DSTYK: variants seen among roughly 807,000 people sequenced by gnomAD.
DSTYK encodes the protein RIP-homologous kinase.
In DSTYK, 34 loss-of-function variants were observed where a neutral mutation model predicts 98.7. That is an observed-to-expected ratio of 0.34 (90% confidence interval 0.26 to 0.46). The LOEUF (loss-of-function observed/expected upper bound fraction) is 0.46. Among genes scored for constraint, DSTYK ranks in the 20% least tolerant of loss-of-function variants. The probability of loss-of-function intolerance (pLI) is 1.00; values close to 1 mark genes in which losing one functional copy is unlikely to be tolerated. For synonymous variants in DSTYK, 462 were observed against 457.3 expected, an observed-to-expected ratio of 1.01 and a Z score of -0.13; for missense variants, 962 against 1,181.7, an observed-to-expected ratio of 0.81 and a Z score of 2.73.
At chr1:205,147,837 G>C in intron 12 of DSTYK, 92 bp from the exon 13 acceptor site, 1 of 1,308,722 alleles carries the variant, frequency 7.6e-7, no homozygotes, top group East Asian at 2.3e-5. Flanking sequence ...TTCCCAGTGG[G>C]GCTCAGAATA....
At chr1:205,187,277 A>T in intron 2 of DSTYK, 141 bp downstream of exon 2, 1 of 989,662 alleles carries the variant, frequency 1.0e-6, no homozygotes, top group Non-Finnish European at 1.4e-6. Flanking sequence ...TCAACTTCCC[A>T]GATTATGTTC....
chr1:205,211,205 C>T, intron 1 of DSTYK, 66 bp downstream of exon 1: 1 of 1,514,720 alleles, frequency 6.6e-7, no homozygotes, highest in African/African-American at 1.4e-5. Context: ...TTTTGCAGGG[C>T]AGGGGTGCGG....
intron 3 of DSTYK, 73 bp from the exon 4 acceptor site, chr1:205,164,028 C>A: frequency 7.9e-7 from 1 of 1,262,566 alleles, no homozygotes; most frequent in Non-Finnish European, 1.1e-6. Flanking sequence ...AGTCATCTCC[C>A]AAATCAGAAC....
chr1:205,169,261 G>T lies in DSTYK; in HGVS notation c.1226C>A (p.Ala409Asp). Residue 409 changes from alanine to aspartate, a missense_variant, in exon 3 of 13, where the codon GCC (alanine) becomes GAC (aspartate). Ala to Asp is a moderately radical substitution (Grantham distance 126, BLOSUM62 -2). This residue lies in a region of DSTYK where 660 missense variants were observed against 855.0 expected (regional missense o/e 0.77). Transcript: ENST00000367162. This position sits in a 1 kb window ranked among gnomAD's most constrained non-coding sequence, Gnocchi z 4.0. ...CTTCATTTCCTCCTGCTTTCGGTTG[G>T]CAATATTCATCAATGATTCATACAA... ...NELYESLMNI[A>D]NRKQEEMKDM... is the part of the protein sequence containing the mutation. 1 of 1,613,950 alleles carries T rather than the reference G, an allele frequency of 6.2e-7. No homozygotes were observed. Among genetic ancestry groups the T allele is most frequent in the Non-Finnish European group, 8.5e-7 (1 of 1,179,968 alleles).
intron 4 of DSTYK, among the ~76,000 whole-genome samples, chr1:205,163,464 C>T (rs1008123391): frequency 1.2e-4 from 18 of 152,202 alleles, no homozygotes; most frequent in Non-Finnish European, 2.4e-4. Flanking sequence ...GGTTATCCGC[C>T]CACCTCAGCC....
At position 205,153,941 on chromosome 1, in the gene DSTYK, T is replaced by A. The variant is rs186524357; in HGVS notation, c.2353-3147A>T. Among the ~76,000 whole-genome samples the A allele has an allele frequency of 3.3e-5, 5 of 150,492 alleles. No individual in the cohort carries two copies. In the East Asian group the frequency reaches 9.8e-4, roughly 30 times the overall value. On this transcript the variant is annotated intron_variant, in intron 10 of 12. Transcript: ENST00000367162. ...GTTGGCCAGGCTGGTCTCGAACTCC[T>A]GACCTCAGGTGATTCACCCACCTTG...
chr1:205,176,972 A>G (rs1263479759), intron 2 of DSTYK, among the ~76,000 whole-genome samples: 1 of 152,084 alleles, frequency 6.6e-6, no homozygotes, highest in Non-Finnish European at 1.5e-5. Flanking sequence ...TGGAAGGCTG[A>G]GGCTGGAAGA....
intron 3 of DSTYK, among the ~76,000 whole-genome samples, chr1:205,168,606 A>AT (rs1657957450): frequency 6.6e-6 from 1 of 152,230 alleles, no homozygotes; most frequent in South Asian, 2.1e-4. Context: ...AGTATACAAA[A>AT]TCAGCAGCAT....
chr1:205,169,513 T>C lies in DSTYK; in HGVS notation c.974A>G (p.Gln325Arg). 3.7e-6 allele frequency: 6 copies of C among 1,614,180 alleles called. No homozygotes were observed. Among genetic ancestry groups the C allele is most frequent in the Non-Finnish European group, 5.1e-6 (6 of 1,180,042 alleles). The part of the protein sequence containing the change: ...SSHWNCGAPG[Q>R]DTKAQSMLVE... ...CAACATGCTCTGAGCTTTAGTATCC[T>C]GGCCAGGAGCCCCACAGTTCCAGTG... Residue 325 changes from glutamine (Q) to arginine (R), a missense_variant, in exon 3 of 13, where the codon CAG (glutamine) becomes CGG (arginine). Physicochemically the swap from Gln to Arg is conservative, Grantham distance 43. Around this residue, in one of 4 missense-constraint regions of DSTYK, gnomAD observed 660 missense variants for 855.0 expected, o/e 0.77. Coordinates refer to ENST00000367162, the MANE Select transcript of DSTYK (RefSeq NM_015375.3). This position sits in a 1 kb window ranked among gnomAD's most constrained non-coding sequence, Gnocchi z 4.0.
intron 1 of DSTYK, among the ~76,000 whole-genome samples, chr1:205,191,633 A>G (rs548807460): frequency 6.6e-6 from 1 of 152,212 alleles, no homozygotes; most frequent in Non-Finnish European, 1.5e-5. Flanking sequence ...TTTAAATTAT[A>G]TGTGAATTTA....
intron 2 of DSTYK, among the ~76,000 whole-genome samples, chr1:205,176,476 T>TAAAAAAAAAAAAAA (rs61291677): frequency 9.3e-5 from 4 of 43,204 alleles, no homozygotes; most frequent in African/African-American, 1.4e-4. Context: ...AACTCCCTCT[T>TAAAAAAAAAAAAAA]AAAAAAAAAA....
Position 205,178,095 on chromosome 1 carries a change from A to T in DSTYK, c.655-8263T>A, listed in dbSNP as rs182338876. Among the ~76,000 whole-genome samples the T allele has an allele frequency of 1.6e-3, 251 of 152,300 alleles. 2 individuals carry two copies. The highest frequency in any genetic ancestry group is 5.8e-3 in the African/African-American group (243 of 41,554). On this transcript the variant is annotated intron_variant, in intron 2 of 12. Coordinates refer to ENST00000367162, the MANE Select transcript of DSTYK (RefSeq NM_015375.3). ...AGCATCAGTGTGTAACTCAGGCCAG[A>T]TATAAGACTTAGAAAAAACAGAATC... is the stretch of plus-strand genomic sequence containing the variant.
chr1:205,147,639 C>T lies in DSTYK; in HGVS notation c.2709G>A (p.Gln903=), dbSNP rs777163955. ...GATTCATGATGCCCTGGAGCATGGG[C>T]TGGACAATGCCCAAGAGAGGCCTCT... ...PLKRPLLGIV[Q]PMLQGIMNRL... The change falls in exon 13 of 13, where the codon CAG becomes CAA. Residue 903 remains glutamine, a synonymous_variant. Coordinates refer to ENST00000367162, the MANE Select transcript of DSTYK (RefSeq NM_015375.3). The T allele has an allele frequency of 1.2e-6, 2 of 1,614,172 alleles. No homozygotes were observed. The highest frequency in any genetic ancestry group is 8.5e-7 in the Non-Finnish European group (1 of 1,180,016).
At chr1:205,151,750 A>G (rs1657413301) in intron 10 of DSTYK, among the ~76,000 whole-genome samples, 2 of 150,370 alleles carry the variant, frequency 1.3e-5, no homozygotes, top group Middle Eastern at 3.4e-3. Context: ...ACACAGACAT[A>G]TTAGCCTAGG....
intron 5 of DSTYK, 66 bp downstream of exon 5, chr1:205,162,857 G>A: frequency 5.9e-6 from 7 of 1,183,078 alleles, no homozygotes; most frequent in Non-Finnish European, 8.9e-6. Context: ...TTTCCTACTG[G>A]GGTCACTATG....
chr1:205,208,544 C>A (rs1050058687), intron 1 of DSTYK, among the ~76,000 whole-genome samples: 1 of 152,142 alleles, frequency 6.6e-6, no homozygotes, highest in Non-Finnish European at 1.5e-5. Flanking sequence ...TCCTTCAACA[C>A]CCAAGTTCCT....
intron 1 of DSTYK, among the ~76,000 whole-genome samples, chr1:205,195,221 AG>A (rs1486778763): frequency 2.0e-5 from 3 of 152,220 alleles, no homozygotes; most frequent in Admixed American, 2.0e-4. Context: ...GGATTTTTAT[AG>A]TTAACTGAGG....
At position 205,211,547 on chromosome 1, in the gene DSTYK, G is replaced by A. The variant is rs1413709122; in HGVS notation, c.-12C>T. ...CCGTCGCCCTCCATCGCCTCTGCCC[G>A]CTCTGTCTTTGCGGCTCGGTCCCCG... On this transcript the variant is annotated 5_prime_UTR_variant, in exon 1 of 13. Coordinates refer to ENST00000367162, the MANE Select transcript of DSTYK (RefSeq NM_015375.3). 10 of 1,497,948 alleles carry A rather than the reference G, an allele frequency of 6.7e-6. No individual in the cohort carries two copies. The East Asian group carries it at 2.6e-4, about 38-fold the overall frequency. 92.8% of individuals were successfully genotyped at this position (1,497,948 alleles called of 1,614,324 possible).
chr1:205,209,875 C>G (rs1454094113), intron 1 of DSTYK, among the ~76,000 whole-genome samples: 1 of 150,528 alleles, frequency 6.6e-6, no homozygotes, highest in African/African-American at 2.5e-5. Context: ...TCACCTTCCC[C>G]AGTGTCTTTT....
Sources: allele counts gnomAD v4.1 joint callset (sites outside exome capture counted in the v4.1 genomes callset), GRCh38; gene constraint gnomAD v4.1.1; regional missense constraint gnomAD v4.1.1; non-coding constraint Gnocchi (gnomAD v3.1); transcripts MANE v1.5; gene names NCBI Gene and HGNC (gene_info 2026-07-23, HGNC 2026-07-21).